Variants in ZNF571 observed in about 807,000 individuals in gnomAD.
The protein encoded by ZNF571 is zinc finger protein 571.
In ZNF571, 4 loss-of-function variants were observed where a neutral mutation model predicts 7.7. That is an observed-to-expected ratio of 0.52 (90% confidence interval 0.25 to 1.18). The LOEUF (loss-of-function observed/expected upper bound fraction) is 1.18, where lower values mean the gene tolerates loss of function less well. Ranked by LOEUF, ZNF571 falls within the 50% of genes most tolerant of loss-of-function variation. The pLI is 0.14. For missense variants in ZNF571, 704 were observed against 726.9 expected (o/e 0.97, Z 0.36); for synonymous variants, 251 against 232.4 (o/e 1.08, Z -0.73).
At chr19:37,568,981 G>T (rs955046558) in intron 3 of ZNF571, among the ~76,000 whole-genome samples, 2 of 151,524 alleles carry the variant, frequency 1.3e-5, no homozygotes, top group African/African-American at 2.4e-5. Flanking sequence ...TTTTGAGATG[G>T]AGTCTCGCTC....
chr19:37,594,546 C>T (rs1272267477), intron 1 of ZNF571, 195 bp downstream of exon 1: 1 of 152,346 alleles, frequency 6.6e-6, no homozygotes, highest in Non-Finnish European at 1.5e-5. Flanking sequence ...ACTGCCAGAA[C>T]CAAAGTGACG....
intron 3 of ZNF571, among the ~76,000 whole-genome samples, chr19:37,581,362 C>T (rs2043453115): frequency 6.6e-6 from 1 of 152,120 alleles, no homozygotes; most frequent in African/African-American, 2.4e-5. Context: ...TCTTAAAGCA[C>T]ACTTTCAAGC....
chr19:37,579,962 TG>T (rs1402922668), intron 3 of ZNF571, among the ~76,000 whole-genome samples: 2 of 152,142 alleles, frequency 1.3e-5, no homozygotes, highest in Non-Finnish European at 2.9e-5. Context: ...CCTATTATTC[TG>T]GAAAAAAAAG....
Position 37,569,896 on chromosome 19 carries a change from C to T in ZNF571, c.137-3605G>A, listed in dbSNP as rs2042995490. On this transcript the variant is annotated intron_variant, in intron 3 of 3. Transcript: ENST00000451802. This position sits in a 1 kb window ranked among gnomAD's most constrained non-coding sequence, Gnocchi z 4.4. ...ACCATTGCACTTCCTGAGAAGCTGT[C>T]CCCAATCCCAGGCTCCTAGCAATGC... is the stretch of plus-strand genomic sequence containing the variant. 1 of 152,266 alleles carries T rather than the reference C, an allele frequency of 6.6e-6. No homozygotes were observed. The highest frequency in any genetic ancestry group is 1.5e-5 in the Non-Finnish European group (1 of 68,112). 9.4% of individuals were successfully genotyped at this position (152,266 alleles called of 1,614,324 possible). A position where few individuals can be genotyped will look rare whatever the true frequency, so the allele number is the denominator to read the frequency against.
chr19:37,578,346 T>C (rs2043318655), intron 3 of ZNF571, among the ~76,000 whole-genome samples: 1 of 151,992 alleles, frequency 6.6e-6, no homozygotes, highest in Admixed American at 6.6e-5. Flanking sequence ...CTCCCTAACA[T>C]GGTGAAACGG....
At position 37,584,030 on chromosome 19, in the gene ZNF571, G is replaced by C. The variant is rs759499664; in HGVS notation, c.77C>G (p.Ala26Gly). 1.2e-6 allele frequency: 2 copies of C among 1,614,082 alleles called. No individual in the cohort carries two copies. The highest frequency in any genetic ancestry group is 1.7e-5 in the Admixed American group (1 of 60,016). ...CACATCCCTGTACAAGTCCCTCTGA[G>C]CAGGGTCCAGGCATTCCCATTCCTC... Reference protein sequence around the residue: ...SQEEWECLDPAQRDLYRDVML... With the variant: ...SQEEWECLDPGQRDLYRDVML... Residue 26 changes from alanine to glycine, a missense_variant, in exon 3 of 4, where the codon GCT (alanine) becomes GGT (glycine). Ala to Gly is a moderately conservative substitution (Grantham distance 60). Coordinates refer to ENST00000451802, the MANE Select transcript of ZNF571 (RefSeq NM_016536.5).
At chr19:37,572,734 A>T (rs1479745214) in intron 3 of ZNF571, among the ~76,000 whole-genome samples, 6 of 152,232 alleles carry the variant, frequency 3.9e-5, no homozygotes, top group African/African-American at 1.4e-4. Context: ...CTTAGGAGCC[A>T]AAAATTGGTG....
At chr19:37,584,781 T>C (rs988571451) in intron 2 of ZNF571, among the ~76,000 whole-genome samples, 2 of 151,938 alleles carry the variant, frequency 1.3e-5, no homozygotes, top group South Asian at 2.1e-4. Context: ...GCTAACACGG[T>C]GAAACCCCGT....
chr19:37,586,727 A>C lies in ZNF571; in HGVS notation c.-51T>G. 1 of 1,609,794 alleles carries C rather than the reference A, an allele frequency of 6.2e-7. No individual in the cohort carries two copies. On this transcript the variant is annotated 5_prime_UTR_variant, in exon 2 of 4. Transcript: ENST00000451802. ...TGGGTTCTTCTCCTGGAGGTGTGCAAAGTCCAGAGAAGCCAGTGCTGGACA... is the reference window on the plus strand; with the variant it reads ...TGGGTTCTTCTCCTGGAGGTGTGCACAGTCCAGAGAAGCCAGTGCTGGACA...
chr19:37,585,584 T>A (rs888228020), intron 2 of ZNF571: 1 of 152,188 alleles, frequency 6.6e-6, no homozygotes, highest in African/African-American at 2.4e-5. Context: ...AAACCCCTGA[T>A]ATGGAGACAG....
chr19:37,590,258 TA>T (rs60417935), intron 1 of ZNF571, among the ~76,000 whole-genome samples: 2 of 149,152 alleles, frequency 1.3e-5, no homozygotes, highest in Admixed American at 6.7e-5. Context: ...AAAATAAAAA[TA>T]AAAAAAAATT....
intron 3 of ZNF571, among the ~76,000 whole-genome samples, chr19:37,568,321 C>G (rs1389932383): frequency 6.6e-6 from 1 of 150,446 alleles, no homozygotes. Context: ...GCAACTACCC[C>G]CCCCCACTTG....
intron 3 of ZNF571, among the ~76,000 whole-genome samples, chr19:37,572,108 A>G (rs2043080833): frequency 6.6e-6 from 1 of 152,208 alleles, no homozygotes; most frequent in Non-Finnish European, 1.5e-5. Flanking sequence ...CACATGAGAA[A>G]ATACTCTCAT....
chr19:37,574,168 T>A (rs1000729152), intron 3 of ZNF571, among the ~76,000 whole-genome samples: 1 of 152,226 alleles, frequency 6.6e-6, no homozygotes, highest in African/African-American at 2.4e-5. Flanking sequence ...TTTTTAGAAG[T>A]CTACACTTAA....
intron 3 of ZNF571, among the ~76,000 whole-genome samples, chr19:37,578,827 C>T (rs1044131002): frequency 6.6e-6 from 1 of 152,244 alleles, no homozygotes; most frequent in African/African-American, 2.4e-5. Flanking sequence ...ACCGCACCTC[C>T]GCCTAAACTC....
chr19:37,577,762 TA>T (rs928541829), intron 3 of ZNF571, among the ~76,000 whole-genome samples: 10 of 152,186 alleles, frequency 6.6e-5, no homozygotes, highest in African/African-American at 2.4e-4. Flanking sequence ...AATGTAACTC[TA>T]GGGGGGCACT....
rs2042801222 is a variant in ZNF571, at chr19:37,565,073, C to T, written c.1355G>A (p.Cys452Tyr). Reference protein sequence around the residue: ...TGEKPFECKECGKAFIRVAYL... With the variant: ...TGEKPFECKEYGKAFIRVAYL... Reference sequence around the variant, plus strand: ...TGCAACACGAATAAAGGCCTTTCCACATTCCTTACATTCAAAGGGTTTCTC... The same window carrying T: ...TGCAACACGAATAAAGGCCTTTCCATATTCCTTACATTCAAAGGGTTTCTC... The change falls in exon 4 of 4, where the codon TGT (cysteine) becomes TAT (tyrosine). Residue 452 changes from cysteine (C) to tyrosine (Y), a missense_variant. Cys to Tyr is a radical substitution (Grantham distance 194, BLOSUM62 -2). Coordinates refer to ENST00000451802, the MANE Select transcript of ZNF571 (RefSeq NM_016536.5). 1 of 1,613,286 alleles carries T rather than the reference C, an allele frequency of 6.2e-7. No individual in the cohort carries two copies. The highest frequency in any genetic ancestry group is 1.1e-5 in the South Asian group (1 of 91,048).
At position 37,566,094 on chromosome 19, in the gene ZNF571, T is replaced by A. The variant is rs1321254561; in HGVS notation, c.334A>T (p.Ile112Phe). The A allele has an allele frequency of 6.2e-6, 10 of 1,613,952 alleles. No individual in the cohort carries two copies. Among genetic ancestry groups the A allele is most frequent in the African/African-American group, 1.3e-5 (1 of 74,926 alleles). Residue 112 changes from isoleucine to phenylalanine, a missense_variant, in exon 4 of 4, where the codon ATT becomes TTT. Physicochemically the swap from Ile to Phe is conservative, Grantham distance 21 (BLOSUM62 0). Coordinates refer to ENST00000451802, the MANE Select transcript of ZNF571 (RefSeq NM_016536.5). The part of the protein sequence containing the change: ...SQEGLYMCVK[I>F]TCEEKATESH... ...TCAGTGGCCTTTTCTTCACAGGTAA[T>A]TTTGACACACATGTAAAGCCCTTCC...
chr19:37,588,396 T>C (rs193048410), intron 1 of ZNF571, among the ~76,000 whole-genome samples: 1 of 152,330 alleles, frequency 6.6e-6, no homozygotes, highest in Admixed American at 6.5e-5. Context: ...AACAAAATCA[T>C]ATCCTCTGCA....
Sources: gnomAD v4.1 joint callset for allele counts (sites outside exome capture counted in the v4.1 genomes callset) on GRCh38, gnomAD v4.1.1 for gene constraint, Gnocchi (gnomAD v3.1) non-coding constraint, MANE v1.5 for transcripts, NCBI Gene and HGNC (gene_info 2026-07-23, HGNC 2026-07-21) for gene names.